Variants in CADPS2 observed in about 807,000 individuals in gnomAD.
CADPS2 encodes the protein calcium dependent secretion activator 2, also known as calcium-dependent secretion activator 2.
CADPS2 carries 93 observed loss-of-function variants against 172.5 expected under a neutral mutation model. The observed-to-expected ratio is 0.54, with a 90% confidence interval of 0.46 to 0.64. The LOEUF (loss-of-function observed/expected upper bound fraction) is 0.64, where lower values mean the gene tolerates loss of function less well. CADPS2 is among the 30% of genes least tolerant of loss of function. The probability of loss-of-function intolerance (pLI) is 0.00; values close to 1 mark genes in which losing one functional copy is unlikely to be tolerated. For missense variants in CADPS2, 1,420 were observed against 1,565.9 expected (o/e 0.91, Z 1.57); for synonymous variants, 546 against 555.2 (o/e 0.98, Z 0.23).
chr7:122,328,132 G>GACACACACACACACACACAC (rs71159790), intron 28 of CADPS2, among the ~76,000 whole-genome samples: 5 of 145,578 alleles, frequency 3.4e-5, no homozygotes, highest in African/African-American at 1.0e-4. Flanking sequence ...GTAAAATGCA[G>GACACACACACACACACACAC]ACACACACAC....
chr7:122,349,813 C>T (rs1585178026), intron 27 of CADPS2, among the ~76,000 whole-genome samples: 1 of 152,164 alleles, frequency 6.6e-6, no homozygotes, highest in Admixed American at 6.5e-5. Flanking sequence ...TGCTGCTACA[C>T]CTAATCCCAC....
chr7:122,401,616 A>G (rs900802167), intron 20 of CADPS2, among the ~76,000 whole-genome samples: 1 of 152,214 alleles, frequency 6.6e-6, no homozygotes, highest in Non-Finnish European at 1.5e-5. Flanking sequence ...CAATTACTTC[A>G]TTATGAAAAC....
intron 29 of CADPS2, among the ~76,000 whole-genome samples, chr7:122,322,364 C>A (rs2150686961): frequency 6.6e-6 from 1 of 152,344 alleles, no homozygotes; most frequent in Admixed American, 6.5e-5. Flanking sequence ...AGACCGCTTT[C>A]TTATTCAATT....
chr7:122,771,706 G>A (rs1157332598), intron 1 of CADPS2, among the ~76,000 whole-genome samples: 1 of 152,186 alleles, frequency 6.6e-6, no homozygotes, highest in African/African-American at 2.4e-5. Context: ...GAGGGAAGGT[G>A]TGGTCACGAA....
At chr7:122,565,940 C>T (rs1403416243) in intron 7 of CADPS2, among the ~76,000 whole-genome samples, 1 of 152,138 alleles carries the variant, frequency 6.6e-6, no homozygotes. Context: ...CATTCCTCAT[C>T]CCCTCCATGC....
chr7:122,404,827 A>C (rs1478598151), intron 20 of CADPS2, among the ~76,000 whole-genome samples: 1 of 152,176 alleles, frequency 6.6e-6, no homozygotes. Context: ...AACAGTGTTA[A>C]AAAATATCTT....
At chr7:122,581,959 A>G (rs2068886996) in intron 6 of CADPS2, among the ~76,000 whole-genome samples, 2 of 152,146 alleles carry the variant, frequency 1.3e-5, no homozygotes, top group Admixed American at 1.3e-4. Flanking sequence ...AATTAATAGC[A>G]TCTTGCCTTT....
intron 15 of CADPS2, among the ~76,000 whole-genome samples, chr7:122,447,465 T>C (rs954571445): frequency 6.6e-5 from 10 of 151,738 alleles, no homozygotes; most frequent in Non-Finnish European, 1.5e-4. Flanking sequence ...TAAAATCAAC[T>C]GTCACTTTGA....
At chr7:122,524,843 G>C (rs974471979) in intron 8 of CADPS2, among the ~76,000 whole-genome samples, 1 of 151,994 alleles carries the variant, frequency 6.6e-6, no homozygotes, top group Non-Finnish European at 1.5e-5. Context: ...TTTTTACTAC[G>C]TATCTATAAA....
chr7:122,582,169 CA>C (rs577773505), intron 6 of CADPS2, among the ~76,000 whole-genome samples: 1 of 151,928 alleles, frequency 6.6e-6, no homozygotes, highest in Non-Finnish European at 1.5e-5. Context: ...AAAAATAAAA[CA>C]ACAAATAAAT....
chr7:122,698,181 AT>A (rs753619645), intron 2 of CADPS2: 9 of 1,613,846 alleles, frequency 5.6e-6, no homozygotes, highest in African/African-American at 1.3e-5. Flanking sequence ...TTATTTCTTC[AT>A]CCCCCTCTTT....
intron 1 of CADPS2, among the ~76,000 whole-genome samples, chr7:122,743,741 T>C (rs1331580838): frequency 1.3e-5 from 2 of 152,206 alleles, no homozygotes; most frequent in African/African-American, 4.8e-5. Context: ...AAGATATTAA[T>C]AGGAAAACGC....
At chr7:122,458,798 T>C (rs1211435383) in intron 14 of CADPS2, among the ~76,000 whole-genome samples, 1 of 152,138 alleles carries the variant, frequency 6.6e-6, no homozygotes, top group African/African-American at 2.4e-5. Flanking sequence ...AAGAAAACTT[T>C]CTTGGACTAA....
chr7:122,465,621 A>G (rs2055033094), intron 14 of CADPS2, among the ~76,000 whole-genome samples: 1 of 152,234 alleles, frequency 6.6e-6, no homozygotes, highest in African/African-American at 2.4e-5. Flanking sequence ...GAGGTGGAAC[A>G]GTTTCATCCC....
intron 1 of CADPS2, among the ~76,000 whole-genome samples, chr7:122,880,098 G>A (rs998694016): frequency 3.9e-5 from 6 of 152,152 alleles, no homozygotes; most frequent in African/African-American, 1.4e-4. Context: ...TGAGGAAACA[G>A]TTTGCCCACT....
chr7:122,523,875 C>T (rs528171601), intron 8 of CADPS2, among the ~76,000 whole-genome samples: 1 of 152,164 alleles, frequency 6.6e-6, no homozygotes, highest in East Asian at 1.9e-4. Flanking sequence ...TACTGAGTAG[C>T]CCCCTCTACC....
chr7:122,622,477 C>A (rs2075699586), intron 4 of CADPS2, among the ~76,000 whole-genome samples: 1 of 152,128 alleles, frequency 6.6e-6, no homozygotes, highest in African/African-American at 2.4e-5. Context: ...AGATTTGTTT[C>A]TTCTGCTCAA....
chr7:122,788,992 A>T (rs546794161), intron 1 of CADPS2, among the ~76,000 whole-genome samples: 2 of 152,288 alleles, frequency 1.3e-5, no homozygotes, highest in Admixed American at 6.5e-5. Context: ...TGCTGATCAC[A>T]AGAGGAAGCA....
intron 17 of CADPS2, among the ~76,000 whole-genome samples, chr7:122,425,717 T>C (rs1252773275): frequency 1.3e-5 from 2 of 152,196 alleles, no homozygotes; most frequent in Non-Finnish European, 2.9e-5. Context: ...TGTTGTTCTT[T>C]ATATATACAT....
Sources: allele counts gnomAD v4.1 joint callset (sites outside exome capture counted in the v4.1 genomes callset), GRCh38; gene constraint gnomAD v4.1.1; transcripts MANE v1.5; gene names NCBI Gene and HGNC (gene_info 2026-07-23, HGNC 2026-07-21).